Variants in ZDHHC14 observed in about 807,000 individuals in gnomAD.
The protein encoded by ZDHHC14 is zDHHC palmitoyltransferase 14, also known as palmitoyltransferase ZDHHC14.
A neutral mutation model predicts 47.7 loss-of-function variants in ZDHHC14; 16 were observed. That is an observed-to-expected ratio of 0.34 (90% CI 0.23 to 0.51). ZDHHC14 has a LOEUF of 0.51. Among genes scored for constraint, ZDHHC14 ranks in the 20% least tolerant of loss-of-function variants. ZDHHC14 has a pLI of 0.97. For missense variants in ZDHHC14, 515 were observed against 662.5 expected (o/e 0.78, Z 2.44); for synonymous variants, 293 against 278.9 (o/e 1.05, Z -0.50).
rs144638511 is a variant in ZDHHC14 at position 157,672,940 on chromosome 6, C to G, written c.1285C>G (p.Arg429Gly). Reference sequence around the variant, plus strand: ...GGCCACGCTCGCGGACGTGATGCCCCGGAAAGATGAGCACATGGGCCACCA... The same window carrying G: ...GGCCACGCTCGCGGACGTGATGCCCGGGAAAGATGAGCACATGGGCCACCA... ...AEATLADVMP[R>G]KDEHMGHQFL... Residue 429 changes from arginine (R) to glycine (G), a missense_variant, in exon 9 of 9, where the codon CGG becomes GGG. Arg to Gly is a moderately radical substitution (Grantham distance 125). Transcript: ENST00000359775. 6.2e-7 allele frequency: 1 copy of G among 1,601,858 alleles called. No individual in the cohort carries two copies. Among genetic ancestry groups the G allele is most frequent in the Admixed American group, 1.7e-5 (1 of 59,302 alleles).
intron 3 of ZDHHC14, among the ~76,000 whole-genome samples, chr6:157,621,135 G>A (rs1358390360): frequency 4.6e-5 from 7 of 152,104 alleles, no homozygotes; most frequent in Non-Finnish European, 8.8e-5. Flanking sequence ...ACCTAGAGCC[G>A]CATGAATCAT....
chr6:157,645,005 A>G (rs886216008), intron 5 of ZDHHC14, among the ~76,000 whole-genome samples: 3 of 151,826 alleles, frequency 2.0e-5, no homozygotes, highest in Non-Finnish European at 2.9e-5. Flanking sequence ...CTCTCTCTCT[A>G]TGTCCTGCGA....
chr6:157,580,340 A>G (rs1783467052), intron 2 of ZDHHC14, among the ~76,000 whole-genome samples: 1 of 151,576 alleles, frequency 6.6e-6, no homozygotes. Context: ...TTCATTTGGG[A>G]TATTGGCCTG....
At chr6:157,511,547 C>CTTTTTTTTTTTTTTTTTTTTTTT (rs34988240) in intron 1 of ZDHHC14, among the ~76,000 whole-genome samples, 80 of 114,852 alleles carry the variant, frequency 7.0e-4, no homozygotes, top group African/African-American at 1.6e-3. Flanking sequence ...AGCCCGGGTA[C>CTTTTTTTTTTTTTTTTTTTTTTT]TTTTTTTTTT....
intron 1 of ZDHHC14, among the ~76,000 whole-genome samples, chr6:157,395,327 A>ATT (rs566892431): frequency 1.1e-4 from 15 of 133,202 alleles, no homozygotes; most frequent in Middle Eastern, 3.8e-3. Flanking sequence ...CACCTAGCTA[A>ATT]TTTTTTTTTT....
At position 157,533,518 on chromosome 6, in the gene ZDHHC14, G is replaced by A. The variant is rs546664182; in HGVS notation, c.246-9067G>A. Among the ~76,000 whole-genome samples, 4 of 152,324 alleles carry A rather than the reference G, an allele frequency of 2.6e-5. No homozygotes were observed. The East Asian group carries it at 7.7e-4, about 29-fold the overall frequency. ...TGTAGGGAGGGAGTTCCAGGCAGGGGGAAGGCACAGGCAAAAGCCCAGAGG... is the reference window on the plus strand; with the variant it reads ...TGTAGGGAGGGAGTTCCAGGCAGGGAGAAGGCACAGGCAAAAGCCCAGAGG... On this transcript the variant is annotated intron_variant, in intron 1 of 8. Coordinates refer to ENST00000359775, the MANE Select transcript of ZDHHC14 (RefSeq NM_024630.3).
chr6:157,509,803 A>G (rs1462832344), intron 1 of ZDHHC14, among the ~76,000 whole-genome samples: 1 of 152,230 alleles, frequency 6.6e-6, no homozygotes, highest in East Asian at 1.9e-4. Flanking sequence ...CAGACTGGGT[A>G]CAGAGAATTG....
Position 157,381,272 on chromosome 6 carries a change from G to C in ZDHHC14, c.-750G>C, listed in dbSNP as rs1777203105. ...GCTTCCTCCGGGTAGGAGGGAGCAA[G>C]GGAGCCCTCGCCGCGCGGCCCGCGA... is the stretch of plus-strand genomic sequence containing the variant. On this transcript the variant is annotated 5_prime_UTR_variant, in exon 1 of 9. Transcript: ENST00000359775. 6.6e-6 allele frequency: 1 copy of C among 150,850 alleles called. No individual in the cohort carries two copies. The highest frequency in any genetic ancestry group is 1.5e-5 in the Non-Finnish European group (1 of 68,304). The allele number at this position is 150,850 out of a possible 1,614,324, so 9.3% of individuals were successfully genotyped here. A position where few individuals can be genotyped will look rare whatever the true frequency, so the allele number is the denominator to read the frequency against.
chr6:157,520,921 T>C (rs1175569367), intron 1 of ZDHHC14, among the ~76,000 whole-genome samples: 1 of 152,194 alleles, frequency 6.6e-6, no homozygotes, highest in Non-Finnish European at 1.5e-5. Context: ...ATTATATTGT[T>C]CTAGACCATT....
At chr6:157,579,190 G>GGTTTTTT (rs1344124667) in intron 2 of ZDHHC14, among the ~76,000 whole-genome samples, 1 of 63,948 alleles carries the variant, frequency 1.6e-5, no homozygotes, top group Admixed American at 2.2e-4. Flanking sequence ...TTGATTCTGT[G>GGTTTTTT]TTTTTTTTTT....
chr6:157,546,114 G>C (rs1168271731), intron 2 of ZDHHC14, among the ~76,000 whole-genome samples: 1 of 152,204 alleles, frequency 6.6e-6, no homozygotes, highest in Non-Finnish European at 1.5e-5. Context: ...ACCGCTGCCT[G>C]CCAGCTTAGC....
chr6:157,534,696 C>T (rs1781480025), intron 1 of ZDHHC14, among the ~76,000 whole-genome samples: 1 of 152,026 alleles, frequency 6.6e-6, no homozygotes, highest in South Asian at 2.1e-4. Context: ...TCAAGCCAGC[C>T]TCCCACCTCA....
At chr6:157,543,410 G>A (rs1582913531) in intron 2 of ZDHHC14, among the ~76,000 whole-genome samples, 1 of 151,940 alleles carries the variant, frequency 6.6e-6, no homozygotes, top group Non-Finnish European at 1.5e-5. Flanking sequence ...GATTGTGAAT[G>A]TATAGCTTTG....
intron 1 of ZDHHC14, among the ~76,000 whole-genome samples, chr6:157,509,200 T>A (rs1338063737): frequency 6.6e-6 from 1 of 152,186 alleles, no homozygotes; most frequent in African/African-American, 2.4e-5. Context: ...CTCTAAGCAC[T>A]GATGTGAGTA....
At chr6:157,605,456 A>C (rs967569936) in intron 3 of ZDHHC14, among the ~76,000 whole-genome samples, 1 of 152,142 alleles carries the variant, frequency 6.6e-6, no homozygotes, top group Non-Finnish European at 1.5e-5. Flanking sequence ...TTATGTATGG[A>C]TTCTTACATT....
intron 1 of ZDHHC14, among the ~76,000 whole-genome samples, chr6:157,519,774 A>G (rs1210194833): frequency 1.3e-5 from 2 of 152,192 alleles, no homozygotes; most frequent in African/African-American, 4.8e-5. Flanking sequence ...TTTTCATTAA[A>G]CACGCATCTC....
intron 7 of ZDHHC14, among the ~76,000 whole-genome samples, chr6:157,651,238 C>T (rs899588561): frequency 6.6e-6 from 1 of 152,194 alleles, no homozygotes; most frequent in African/African-American, 2.4e-5. Context: ...CTGGGGAGAA[C>T]CCTTCCTTGC....
At chr6:157,559,770 G>A (rs982951615) in intron 2 of ZDHHC14, among the ~76,000 whole-genome samples, 5 of 152,196 alleles carry the variant, frequency 3.3e-5, no homozygotes, top group South Asian at 2.1e-4. Context: ...GCTCTGAAAC[G>A]TCTGGATTTA....
intron 2 of ZDHHC14, among the ~76,000 whole-genome samples, chr6:157,584,487 C>T (rs776123261): frequency 1.3e-5 from 2 of 152,192 alleles, no homozygotes; most frequent in Non-Finnish European, 2.9e-5. Context: ...TATATGGTAA[C>T]ACATAGATAT....
Sources: allele counts gnomAD v4.1 joint callset (sites outside exome capture counted in the v4.1 genomes callset), GRCh38; gene constraint gnomAD v4.1.1; transcripts MANE v1.5; gene names NCBI Gene and HGNC (gene_info 2026-07-23, HGNC 2026-07-21).